The following PCDHGB4 variants were observed in gnomAD, a reference collection of about 807,000 sequenced individuals.
The protein encoded by PCDHGB4 is protocadherin gamma-B4.
In PCDHGB4, 38 loss-of-function variants were observed where a neutral mutation model predicts 60.5. That is an observed-to-expected ratio of 0.63 (90% CI 0.48 to 0.82). The LOEUF (loss-of-function observed/expected upper bound fraction) is 0.82. PCDHGB4 is among the 40% of genes least tolerant of loss of function. PCDHGB4 has a pLI of 0.00. For missense variants in PCDHGB4, 1,109 were observed against 1,209.6 expected (o/e 0.92, Z 1.23); for synonymous variants, 456 against 509.7 (o/e 0.89, Z 1.42).
At chr5:141,472,113 A>C (rs1296591849) in intron 1 of PCDHGB4, among the ~76,000 whole-genome samples, 1 of 152,260 alleles carries the variant, frequency 6.6e-6, no homozygotes, top group Non-Finnish European at 1.5e-5. Context: ...ATACATAAAG[A>C]AAATAAAAGA....
Position 141,487,229 on chromosome 5 carries a change from G to A in PCDHGB4, c.2398-7578G>A. On this transcript the variant is annotated intron_variant, in intron 1 of 3. Coordinates refer to ENST00000519479, the MANE Select transcript of PCDHGB4 (RefSeq NM_003736.4). The surrounding 1 kb of genome is among the most constrained non-coding windows in gnomAD (Gnocchi z 5.0). ...AGAATCTTCAGCTCCAAGGGAAGGA[G>A]AATCTCGTCTAACCCTCTACTTGGC... is the stretch of plus-strand genomic sequence containing the variant. The A allele has an allele frequency of 6.2e-7, 1 of 1,614,138 alleles. No individual in the cohort carries two copies. The highest frequency in any genetic ancestry group is 8.5e-7 in the Non-Finnish European group (1 of 1,179,994).
chr5:141,429,426 G>C (rs992784469), intron 1 of PCDHGB4, among the ~76,000 whole-genome samples: 3 of 151,724 alleles, frequency 2.0e-5, no homozygotes, highest in African/African-American at 4.8e-5. Context: ...TGTTGCCCAG[G>C]CTGGACTCAA....
chr5:141,399,459 C>T (rs897098728), intron 1 of PCDHGB4: 6 of 1,613,894 alleles, frequency 3.7e-6, no homozygotes, highest in Non-Finnish European at 5.1e-6. Context: ...TCAACGATAA[C>T]GCTCCGGTTT....
intron 1 of PCDHGB4, among the ~76,000 whole-genome samples, chr5:141,473,831 A>G (rs950283433): frequency 1.3e-5 from 2 of 152,252 alleles, no homozygotes; most frequent in African/African-American, 4.8e-5. Context: ...GTGTGATCCA[A>G]TTAAAATTTT....
intron 1 of PCDHGB4, chr5:141,392,255 G>A (rs912458411): frequency 4.6e-5 from 7 of 152,104 alleles, no homozygotes; most frequent in Non-Finnish European, 1.0e-4. Flanking sequence ...AGTATATATT[G>A]GAGACATTTA....
In PCDHGB4 at chr5:141,417,855, G is replaced by T. The variant is rs1436078486; in HGVS notation, c.2397+27574G>T. The T allele has an allele frequency of 2.6e-6, 4 of 1,544,916 alleles. No individual in the cohort carries two copies. In the Admixed American group the frequency reaches 8.0e-5, roughly 31 times the overall value. ...GCGGGGACCCAGCGAGAACCCGAGC[G>T]AACGATGGGAGGGAGCTGCGCGCAG... On this transcript the variant is annotated intron_variant, in intron 1 of 3. Transcript: ENST00000519479.
chr5:141,501,666 T>C (rs2099810374), intron 2 of PCDHGB4, among the ~76,000 whole-genome samples: 1 of 152,142 alleles, frequency 6.6e-6, no homozygotes. Context: ...TTGGAAAATA[T>C]AGATAATCAC....
chr5:141,486,823 A>G lies in PCDHGB4; in HGVS notation c.2398-7984A>G, dbSNP rs778308736. On this transcript the variant is annotated intron_variant, in intron 1 of 3. Coordinates refer to ENST00000519479, the MANE Select transcript of PCDHGB4 (RefSeq NM_003736.4). The surrounding 1 kb of genome is among the most constrained non-coding windows in gnomAD (Gnocchi z 5.0). Reference sequence around the variant, plus strand: ...ACCCACCCCTTAGCAGCACTGTAACAGTTCGTCTATTTGTGCTGGACCTCA... The same window carrying G: ...ACCCACCCCTTAGCAGCACTGTAACGGTTCGTCTATTTGTGCTGGACCTCA... 1.2e-6 allele frequency: 2 copies of G among 1,614,104 alleles called. No individual in the cohort carries two copies. Among genetic ancestry groups the G allele is most frequent in the Admixed American group, 1.7e-5 (1 of 60,008 alleles).
intron 1 of PCDHGB4, chr5:141,404,978 G>C: frequency 6.2e-7 from 1 of 1,613,976 alleles, no homozygotes; most frequent in Non-Finnish European, 8.5e-7. Context: ...GGCTGACCTG[G>C]GCAGTCTTCA....
chr5:141,462,883 A>T (rs557432183), intron 1 of PCDHGB4, among the ~76,000 whole-genome samples: 9 of 152,230 alleles, frequency 5.9e-5, no homozygotes, highest in African/African-American at 2.2e-4. Context: ...GAACTATTGC[A>T]GTTTGTTTTG....
intron 1 of PCDHGB4, chr5:141,408,082 G>C (rs890768118): frequency 2.1e-6 from 3 of 1,417,248 alleles, no homozygotes; most frequent in Non-Finnish European, 1.9e-6. Flanking sequence ...TCCCAGCACA[G>C]CGGATTGCCA....
intron 1 of PCDHGB4, chr5:141,403,387 C>T: frequency 6.2e-7 from 1 of 1,614,042 alleles, no homozygotes; most frequent in Non-Finnish European, 8.5e-7. Context: ...TTAACGAAAT[C>T]GCGGTTCCTG....
chr5:141,502,450 C>T (rs184669731), intron 2 of PCDHGB4, among the ~76,000 whole-genome samples: 3 of 152,010 alleles, frequency 2.0e-5, no homozygotes, highest in Admixed American at 1.3e-4. Context: ...AGATTACACA[C>T]CTTGGTAGGA....
chr5:141,501,066 A>G (rs2099805322), intron 2 of PCDHGB4, among the ~76,000 whole-genome samples: 1 of 151,976 alleles, frequency 6.6e-6, no homozygotes, highest in South Asian at 2.1e-4. Flanking sequence ...ACGGGGTTTC[A>G]CCATGTTGAC....
intron 1 of PCDHGB4, chr5:141,421,647 G>A: frequency 6.2e-7 from 1 of 1,613,872 alleles, no homozygotes; most frequent in Non-Finnish European, 8.5e-7. Context: ...ACGAAGTGGA[G>A]ATAAAAGTCA....
intron 1 of PCDHGB4, chr5:141,423,962 C>A: frequency 1.7e-6 from 2 of 1,168,402 alleles, no homozygotes; most frequent in South Asian, 4.2e-5. Context: ...TATTATTTTT[C>A]TATTATCAGT....
chr5:141,393,057 G>A lies in PCDHGB4; in HGVS notation c.2397+2776G>A, dbSNP rs1273747847. On this transcript the variant is annotated intron_variant, in intron 1 of 3. Transcript: ENST00000519479. ...GCTCTTTGCTCTGAACCCGCGCAGC[G>A]GCAGCTTGATCACCGCGGGCAGGAT... 6 of 1,613,514 alleles carry A rather than the reference G, an allele frequency of 3.7e-6. No homozygotes were observed. The African/African-American group carries it at 4.0e-5, about 11-fold the overall frequency.
intron 1 of PCDHGB4, chr5:141,404,365 C>G (rs1322773399): frequency 1.2e-6 from 2 of 1,613,818 alleles, no homozygotes; most frequent in Admixed American, 3.3e-5. Context: ...GTACTTCCAT[C>G]TTCTCCGTGA....
In PCDHGB4 at chr5:141,491,652, G is replaced by A. The variant is rs370043428; in HGVS notation, c.2398-3155G>A. ...AGCAGCCCACAGCTCTGGCGCTGGAGCCTGACGCCATCCGGTCCCGCTCTA... is the reference window on the plus strand; with the variant it reads ...AGCAGCCCACAGCTCTGGCGCTGGAACCTGACGCCATCCGGTCCCGCTCTA... On this transcript the variant is annotated intron_variant, in intron 1 of 3. Transcript: ENST00000519479. This position sits in a 1 kb window ranked among gnomAD's most constrained non-coding sequence, Gnocchi z 6.9. 2 of 1,613,726 alleles carry A rather than the reference G, an allele frequency of 1.2e-6. No homozygotes were observed. Among genetic ancestry groups the A allele is most frequent in the African/African-American group, 1.3e-5 (1 of 74,944 alleles).
Sources: allele counts gnomAD v4.1 joint callset (sites outside exome capture counted in the v4.1 genomes callset), GRCh38; gene constraint gnomAD v4.1.1; non-coding constraint Gnocchi (gnomAD v3.1); transcripts MANE v1.5; gene names NCBI Gene and HGNC (gene_info 2026-07-23, HGNC 2026-07-21).